Variants in GNB1 observed in about 807,000 individuals in gnomAD.
GNB1 encodes G protein subunit beta 1.
GNB1 carries 2 observed loss-of-function variants against 42.9 expected under a neutral mutation model. That is an observed-to-expected ratio of 0.05 (90% confidence interval 0.02 to 0.15). The LOEUF is 0.15. Ranked by LOEUF, GNB1 falls within the 10% of genes least tolerant of loss-of-function variation. The probability of loss-of-function intolerance (pLI) is 1.00; values close to 1 mark genes in which losing one functional copy is unlikely to be tolerated. For synonymous variants in GNB1, 183 were observed against 174.7 expected (o/e 1.05, Z -0.38); for missense variants, 193 against 462.2 (o/e 0.42, Z 5.34).
At chr1:1,798,011 C>A (rs1267873240) in intron 7 of GNB1, among the ~76,000 whole-genome samples, 1 of 152,252 alleles carries the variant, frequency 6.6e-6, no homozygotes, top group Non-Finnish European at 1.5e-5. Flanking sequence ...TGGCGAGGGA[C>A]AGGCTCAGCC....
intron 4 of GNB1, among the ~76,000 whole-genome samples, chr1:1,816,644 CTTTTTTT>C (rs59065707): frequency 3.7e-5 from 4 of 108,622 alleles, no homozygotes; most frequent in Admixed American, 1.1e-4. Flanking sequence ...TTTTTATTAT[CTTTTTTT>C]TTTTTTTTTT....
chr1:1,827,964 G>A lies in GNB1; in HGVS notation c.-46-2465C>T, dbSNP rs971449520. 3.9e-5 allele frequency among the ~76,000 whole-genome samples: 6 copies of A among 151,990 alleles called. No homozygotes were observed. The South Asian group carries it at 1.2e-3, about 32-fold the overall frequency. ...AGTAAAGCTAATTTTTATAGTACGGGACTAAAAACAACAAACTCCTGGGAT... is the reference window on the plus strand; with the variant it reads ...AGTAAAGCTAATTTTTATAGTACGGAACTAAAAACAACAAACTCCTGGGAT... On this transcript the variant is annotated intron_variant, in intron 2 of 11. Transcript: ENST00000378609.
intron 7 of GNB1, among the ~76,000 whole-genome samples, chr1:1,796,070 T>C (rs929503643): frequency 2.0e-5 from 3 of 152,208 alleles, no homozygotes; most frequent in African/African-American, 4.8e-5. Flanking sequence ...CATACAACTA[T>C]TCTGTGTTTT....
intron 2 of GNB1, among the ~76,000 whole-genome samples, chr1:1,827,293 G>A (rs1030976298): frequency 4.6e-5 from 7 of 152,170 alleles, no homozygotes; most frequent in African/African-American, 1.2e-4. Flanking sequence ...CCCGTAACAC[G>A]AGCACGCAGA....
chr1:1,887,861 C>T (rs1650243201), intron 1 of GNB1, among the ~76,000 whole-genome samples: 1 of 152,114 alleles, frequency 6.6e-6, no homozygotes, highest in South Asian at 2.1e-4. Context: ...GTGATCCGCC[C>T]GCCTCCACCT....
At chr1:1,816,311 C>T (rs1018167615) in intron 4 of GNB1, among the ~76,000 whole-genome samples, 3 of 152,174 alleles carry the variant, frequency 2.0e-5, no homozygotes, top group Non-Finnish European at 4.4e-5. Context: ...TGCTTCTGCA[C>T]GACCATCACT....
At chr1:1,825,655 G>A in intron 2 of GNB1, 156 bp from the exon 3 acceptor site, 2 of 506,458 alleles carry the variant, frequency 3.9e-6, no homozygotes, top group South Asian at 4.2e-5. Context: ...ACGAGGTCAG[G>A]AGATCGAGAC....
rs1043650594 is a variant in GNB1 at position 1,870,805 on chromosome 1, G to T, written c.-96+20015C>A. ...CAAAATAAATTAGCTGGGCGTGGTG[G>T]CACACACCTGTCATCCCAGCTACTC... On this transcript the variant is annotated intron_variant, in intron 1 of 11. Transcript: ENST00000378609. Among the ~76,000 whole-genome samples the T allele has an allele frequency of 2.0e-5, 3 of 152,216 alleles. No homozygotes were observed. In the East Asian group the frequency reaches 5.8e-4, roughly 29 times the overall value.
At chr1:1,873,773 G>A (rs963580759) in intron 1 of GNB1, among the ~76,000 whole-genome samples, 4 of 152,052 alleles carry the variant, frequency 2.6e-5, no homozygotes, top group African/African-American at 9.7e-5. Flanking sequence ...AGCCAAGATG[G>A]TGCCACTGCA....
intron 2 of GNB1, among the ~76,000 whole-genome samples, chr1:1,836,203 C>T (rs534731565): frequency 3.3e-5 from 5 of 152,226 alleles, no homozygotes; most frequent in East Asian, 1.9e-4. Flanking sequence ...CGGCTCCTCA[C>T]GCCCAACAAC....
Position 1,825,179 on chromosome 1 carries a change from T to C in GNB1, c.57+218A>G, listed in dbSNP as rs920438435. On this transcript the variant is annotated intron_variant, in intron 3 of 11. Transcript: ENST00000378609. ...ATAAATTCTACGGAGACATCTGGTG[T>C]ATATTCAAATAACAAATTGTATACA... is the stretch of plus-strand genomic sequence containing the variant. 5.7e-6 allele frequency: 3 copies of C among 529,204 alleles called. No individual in the cohort carries two copies. In the African/African-American group the frequency reaches 5.7e-5, roughly 10 times the overall value. The allele number at this position is 529,204 out of a possible 1,614,324, so 32.8% of individuals were successfully genotyped here.
In GNB1 at chr1:1,806,502, G is replaced by C. The variant is rs1400569607; in HGVS notation, c.240C>G (p.Ile80Met). The change falls in exon 6 of 12, where the codon ATC (isoleucine) becomes ATG (methionine). Residue 80 changes from isoleucine to methionine, a missense_variant. Transcript: ENST00000378609. ...LVSASQDGKL[I>M]IWDSYTTNKV... ...TGTTGGTGGTGTAGCTGTCCCAGATGATAAGTTTACCATCCTGCGAGGCAC... is the reference window on the plus strand; with the variant it reads ...TGTTGGTGGTGTAGCTGTCCCAGATCATAAGTTTACCATCCTGCGAGGCAC... The C allele has an allele frequency of 6.2e-7, 1 of 1,611,360 alleles. No homozygotes were observed. Among genetic ancestry groups the C allele is most frequent in the Non-Finnish European group, 8.5e-7 (1 of 1,177,670 alleles).
intron 2 of GNB1, among the ~76,000 whole-genome samples, chr1:1,827,997 A>AGTTC (rs1647022542): frequency 6.6e-6 from 1 of 152,158 alleles, no homozygotes; most frequent in East Asian, 1.9e-4. Flanking sequence ...GATCTCGGGA[A>AGTTC]AGAGAAACGC....
chr1:1,795,282 C>T (rs1225638494), intron 7 of GNB1, among the ~76,000 whole-genome samples: 1 of 152,176 alleles, frequency 6.6e-6, no homozygotes, highest in East Asian at 1.9e-4. Flanking sequence ...TTCACACTCA[C>T]CCTTGCTTCA....
intron 2 of GNB1, among the ~76,000 whole-genome samples, chr1:1,827,802 G>A (rs1341036864): frequency 6.6e-6 from 1 of 152,182 alleles, no homozygotes; most frequent in Non-Finnish European, 1.5e-5. Flanking sequence ...ACGCATAATA[G>A]AGAATTGTTC....
intron 1 of GNB1, among the ~76,000 whole-genome samples, chr1:1,883,750 A>AT (rs1057307587): frequency 1.3e-5 from 2 of 152,180 alleles, no homozygotes; most frequent in Middle Eastern, 3.2e-3. Context: ...ACTGATCTTG[A>AT]TTTTCAGTGC....
chr1:1,863,518 C>T (rs969917263), intron 1 of GNB1, among the ~76,000 whole-genome samples: 3 of 152,272 alleles, frequency 2.0e-5, no homozygotes, highest in African/African-American at 4.8e-5. Flanking sequence ...TTTACTGAAA[C>T]GTCTACTTAG....
chr1:1,812,485 G>A (rs1484145045), intron 5 of GNB1, among the ~76,000 whole-genome samples: 2 of 151,646 alleles, frequency 1.3e-5, no homozygotes, highest in Non-Finnish European at 2.9e-5. Context: ...GGCCTATCCA[G>A]AAAAAAACGG....
rs924130629 is a variant in GNB1, at chr1:1,862,471, A to AT, written c.-95-23234dup. 2.4e-3 allele frequency among the ~76,000 whole-genome samples: 349 copies of AT among 145,922 alleles called. 1 individual carries two copies. Among genetic ancestry groups the AT allele is most frequent in the East Asian group, 4.4e-3 (22 of 5,016 alleles). On this transcript the variant is annotated intron_variant, in intron 1 of 11. Coordinates refer to ENST00000378609, the MANE Select transcript of GNB1 (RefSeq NM_002074.5). ...AGTGTAAAGTACTTCATTTTTATTA[A>AT]TTTTTTTTTTTTTGAGACAGGGTCT... is the stretch of plus-strand genomic sequence containing the variant.
Sources: gnomAD v4.1 joint callset for allele counts (sites outside exome capture counted in the v4.1 genomes callset) on GRCh38, gnomAD v4.1.1 for gene constraint, MANE v1.5 for transcripts, NCBI Gene and HGNC (gene_info 2026-07-23, HGNC 2026-07-21) for gene names.